WSCD2: variants seen among roughly 807,000 people sequenced by gnomAD.
WSCD2 encodes the protein sialate:O-sulfotransferase 2.
A neutral mutation model predicts 55.7 loss-of-function variants in WSCD2; 28 were observed. The ratio of observed to expected loss-of-function variants is 0.50; its 90% CI spans 0.37 to 0.69. The LOEUF is 0.69. Ranked by LOEUF, WSCD2 falls within the 30% of genes least tolerant of loss-of-function variation. The pLI is 0.00. For missense variants in WSCD2, 616 were observed against 762.1 expected (o/e 0.81, Z 2.26); for synonymous variants, 301 against 301.9 (o/e 1.00, Z 0.03).
intron 8 of WSCD2, among the ~76,000 whole-genome samples, chr12:108,245,593 G>A (rs1296723567): frequency 6.6e-6 from 1 of 152,224 alleles, no homozygotes; most frequent in Non-Finnish European, 1.5e-5. Context: ...GCCAAGCCTA[G>A]AAGTTTGGAT....
chr12:108,195,957 A>G lies in WSCD2; in HGVS notation c.125A>G (p.Gln42Arg). 1 of 1,613,926 alleles carries G rather than the reference A, an allele frequency of 6.2e-7. No homozygotes were observed. Residue 42 changes from glutamine (Q) to arginine (R), a missense_variant, in exon 2 of 9, where the codon CAG (glutamine) becomes CGG (arginine). Coordinates refer to ENST00000547525, the MANE Select transcript of WSCD2 (RefSeq NM_014653.4). ...LVFLHSGFVG[Q>R]PAVSGNQANP... Reference sequence around the variant, plus strand: ...TTCCTTCACTCTGGCTTTGTGGGCCAGCCCGCTGTCTCGGGGAACCAGGCG... The same window carrying G: ...TTCCTTCACTCTGGCTTTGTGGGCCGGCCCGCTGTCTCGGGGAACCAGGCG...
chr12:108,206,215 C>T, intron 2 of WSCD2, 74 bp from the exon 3 acceptor site: 3 of 1,238,770 alleles, frequency 2.4e-6, no homozygotes, highest in Non-Finnish European at 3.6e-6. Context: ...ACCAGAGACA[C>T]ATTGGTGAGG....
chr12:108,137,390 C>G (rs1334065528), intron 1 of WSCD2, among the ~76,000 whole-genome samples: 6 of 152,208 alleles, frequency 3.9e-5, no homozygotes, highest in African/African-American at 1.4e-4. Flanking sequence ...CCTGTTTACT[C>G]TTTCTCTGCA....
intron 1 of WSCD2, among the ~76,000 whole-genome samples, chr12:108,145,836 C>T (rs1170777456): frequency 5.3e-5 from 8 of 151,992 alleles, no homozygotes; most frequent in South Asian, 2.1e-4. Flanking sequence ...AGGCATTGTG[C>T]GAAAATAATG....
chr12:108,169,323 A>G (rs1293042626), intron 1 of WSCD2, among the ~76,000 whole-genome samples: 1 of 152,106 alleles, frequency 6.6e-6, no homozygotes, highest in Non-Finnish European at 1.5e-5. Context: ...TCATCCAGAA[A>G]CCAATCCCCC....
rs555630546 is a variant in WSCD2, at chr12:108,233,007, T to C, written c.1144+112T>C. 6 of 1,409,420 alleles carry C rather than the reference T, an allele frequency of 4.3e-6. No homozygotes were observed. The Admixed American group carries it at 9.1e-5, about 21-fold the overall frequency. The allele number at this position is 1,409,420 out of a possible 1,614,324, so 87.3% of individuals were successfully genotyped here. ...GAGTATCTACTGTGTGCCACTCAGCTCTCCCAGGCACACTTTTTGAGACTC... is the reference window on the plus strand; with the variant it reads ...GAGTATCTACTGTGTGCCACTCAGCCCTCCCAGGCACACTTTTTGAGACTC... On this transcript the variant is annotated intron_variant, in intron 7 of 8. Transcript: ENST00000547525.
At chr12:108,172,358 C>A (rs1372517934) in intron 1 of WSCD2, among the ~76,000 whole-genome samples, 1 of 152,172 alleles carries the variant, frequency 6.6e-6, no homozygotes, top group East Asian at 1.9e-4. Flanking sequence ...GAAGTTAAGG[C>A]ACTTGTCTGT....
intron 4 of WSCD2, among the ~76,000 whole-genome samples, chr12:108,216,726 G>A (rs960209833): frequency 1.3e-5 from 2 of 152,340 alleles, no homozygotes; most frequent in Admixed American, 6.5e-5. Flanking sequence ...GAGCTCTGGA[G>A]GATGGTATTG....
rs529934401 is a variant in WSCD2 at position 108,198,030 on chromosome 12, C to A, written c.382+1816C>A. 3.3e-5 allele frequency among the ~76,000 whole-genome samples: 5 copies of A among 151,290 alleles called. No individual in the cohort carries two copies. The South Asian group carries it at 1.1e-3, about 33-fold the overall frequency. ...ACTTCCCATAGAGACCATCCCGGAG[C>A]ATCCTAACTCAAATAACCCCACTTC... On this transcript the variant is annotated intron_variant, in intron 2 of 8. Coordinates refer to ENST00000547525, the MANE Select transcript of WSCD2 (RefSeq NM_014653.4).
At position 108,240,202 on chromosome 12, in the gene WSCD2, C is replaced by A; in HGVS notation, c.1145-142C>A. ...CCCGGGGTCCTAGCACAGTGCCTGG[C>A]ACATAGTAGGTGCTCAATAAATACG... On this transcript the variant is annotated intron_variant, in intron 7 of 8. Transcript: ENST00000547525. The A allele has an allele frequency of 4.9e-6, 5 of 1,017,314 alleles. No homozygotes were observed. In the South Asian group the frequency reaches 7.5e-5, roughly 15 times the overall value. 63.0% of individuals were successfully genotyped at this position (1,017,314 alleles called of 1,614,324 possible).
intron 1 of WSCD2, among the ~76,000 whole-genome samples, chr12:108,158,102 G>A (rs1878700312): frequency 6.6e-6 from 1 of 152,168 alleles, no homozygotes; most frequent in South Asian, 2.1e-4. Context: ...GTCTGAGGCT[G>A]TGAGCCCGGT....
At chr12:108,183,836 C>A (rs1184575010) in intron 1 of WSCD2, among the ~76,000 whole-genome samples, 1 of 152,178 alleles carries the variant, frequency 6.6e-6, no homozygotes, top group Non-Finnish European at 1.5e-5. Flanking sequence ...TGCCACTCAC[C>A]AGCTCTGCCC....
chr12:108,135,313 A>G (rs77089118), intron 1 of WSCD2, among the ~76,000 whole-genome samples: 2,654 of 152,356 alleles, frequency 0.017, 77 homozygotes, highest in African/African-American at 0.06. Flanking sequence ...CAATGAGCTT[A>G]CAATCTGAGG....
chr12:108,167,974 C>A (rs1879829421), intron 1 of WSCD2, among the ~76,000 whole-genome samples: 1 of 152,190 alleles, frequency 6.6e-6, no homozygotes, highest in Non-Finnish European at 1.5e-5. Context: ...CCTGGGGCTG[C>A]AATCAACTGA....
At chr12:108,152,069 T>G (rs1878057556) in intron 1 of WSCD2, among the ~76,000 whole-genome samples, 1 of 152,202 alleles carries the variant, frequency 6.6e-6, no homozygotes, top group African/African-American at 2.4e-5. Context: ...GCTCTCACAA[T>G]GAGGGCATTT....
intron 2 of WSCD2, among the ~76,000 whole-genome samples, chr12:108,200,326 A>G (rs1292507958): frequency 6.6e-6 from 1 of 152,224 alleles, no homozygotes; most frequent in Non-Finnish European, 1.5e-5. Context: ...ACAGGCTCAG[A>G]GAGGTTCAAT....
At chr12:108,157,199 A>C (rs887505180) in intron 1 of WSCD2, among the ~76,000 whole-genome samples, 1 of 152,210 alleles carries the variant, frequency 6.6e-6, no homozygotes, top group Non-Finnish European at 1.5e-5. Context: ...GTTTACAGAA[A>C]AATTGAGTAG....
At chr12:108,237,744 AATCTGGAATATGAAACAG>A (rs1227853404) in intron 7 of WSCD2, among the ~76,000 whole-genome samples, 3 of 152,226 alleles carry the variant, frequency 2.0e-5, no homozygotes, top group African/African-American at 7.2e-5. Flanking sequence ...AGGCAACCAG[AATCTGGAATATGAAACAG>A]ATCTTTCCCA....
At chr12:108,172,769 A>T (rs989296026) in intron 1 of WSCD2, among the ~76,000 whole-genome samples, 2 of 152,138 alleles carry the variant, frequency 1.3e-5, no homozygotes, top group African/African-American at 4.8e-5. Context: ...TGGCCCACAG[A>T]GCTGTGAGAG....
Sources: allele counts gnomAD v4.1 joint callset (sites outside exome capture counted in the v4.1 genomes callset), GRCh38; gene constraint gnomAD v4.1.1; transcripts MANE v1.5; gene names NCBI Gene and HGNC (gene_info 2026-07-23, HGNC 2026-07-21).